R3HDM2: variants seen among roughly 807,000 people sequenced by gnomAD.
R3HDM2 encodes R3H domain containing 2, also known as R3H domain-containing protein 2.
Under a neutral mutation model 124.5 loss-of-function variants are expected in R3HDM2, and 38 were observed. That is an observed-to-expected ratio of 0.31 (90% CI 0.24 to 0.40). The LOEUF (loss-of-function observed/expected upper bound fraction) is 0.40. R3HDM2 is among the 10% of genes least tolerant of loss of function. The probability of loss-of-function intolerance (pLI) is 1.00; values close to 1 mark genes in which losing one functional copy is unlikely to be tolerated. For synonymous variants in R3HDM2, 391 were observed against 448.0 expected (o/e 0.87, Z 1.61); for missense variants, 869 against 1,236.9 (o/e 0.70, Z 4.46).
intron 2 of R3HDM2, among the ~76,000 whole-genome samples, chr12:57,388,497 A>AT (rs2066191889): frequency 6.6e-6 from 1 of 152,208 alleles, no homozygotes; most frequent in South Asian, 2.1e-4. Context: ...TGGGGATTCT[A>AT]TAAGATGGTG....
At chr12:57,277,190 G>A (rs1416029029) in intron 14 of R3HDM2, among the ~76,000 whole-genome samples, 1 of 151,554 alleles carries the variant, frequency 6.6e-6, no homozygotes, top group Non-Finnish European at 1.5e-5. Context: ...GATGACAAAA[G>A]GGGGCCCCGA....
At chr12:57,407,399 A>AT (rs1347963116) in intron 1 of R3HDM2, among the ~76,000 whole-genome samples, 7 of 151,470 alleles carry the variant, frequency 4.6e-5, no homozygotes, top group African/African-American at 7.3e-5. Flanking sequence ...ATATTAAGGA[A>AT]TTTTTTTTTC....
intron 2 of R3HDM2, among the ~76,000 whole-genome samples, chr12:57,353,785 T>C (rs919744803): frequency 1.3e-5 from 2 of 152,172 alleles, no homozygotes; most frequent in African/African-American, 4.8e-5. Flanking sequence ...CATGAACATA[T>C]GGATTCATTT....
chr12:57,411,173 A>G (rs1271442538), intron 1 of R3HDM2, among the ~76,000 whole-genome samples: 8 of 152,226 alleles, frequency 5.3e-5, no homozygotes, highest in African/African-American at 1.7e-4. Flanking sequence ...ACAATATTTT[A>G]TACTTCCTCA....
In R3HDM2 at chr12:57,266,781, G is replaced by C. The variant is rs2137303014; in HGVS notation, c.2081C>G (p.Pro694Arg). ...QPPGSEQYQM[P>R]QSPSPCSPPQ... ...TGGACTGCAGGGAGAGGGAGACTGA[G>C]GCATCTGGTACTGCTCAGAGCCAGG... Residue 694 changes from proline (P) to arginine (R), a missense_variant, in exon 19 of 24, where the codon CCT becomes CGT. Coordinates refer to ENST00000402412, the MANE Select transcript of R3HDM2 (RefSeq NM_001394031.1). The C allele has an allele frequency of 6.2e-7, 1 of 1,611,250 alleles. No homozygotes were observed. The highest frequency in any genetic ancestry group is 2.2e-5 in the East Asian group (1 of 44,854).
rs369719810 is a variant in R3HDM2, at chr12:57,425,346, CTAA to C, written c.-106+5371_-106+5373del. On this transcript the variant is annotated intron_variant, in intron 1 of 23. Coordinates refer to ENST00000402412, the MANE Select transcript of R3HDM2 (RefSeq NM_001394031.1). ...TAGAAGATGCAGTTATTTCTTTATA[CTAA>C]TAATATCAGAACTATGTCCAGACAA... Among the ~76,000 whole-genome samples, 661 of 152,196 alleles carry C rather than the reference CTAA, an allele frequency of 4.3e-3. 5 individuals carry two copies. The highest frequency in any genetic ancestry group is 0.015 in the African/African-American group (625 of 41,530).
intron 22 of R3HDM2, 27 bp downstream of exon 22, chr12:57,256,387 C>T (rs2039013556): frequency 2.0e-6 from 3 of 1,502,050 alleles, no homozygotes; most frequent in Non-Finnish European, 2.7e-6. Flanking sequence ...GTCTGATGGC[C>T]CTACAGTTGC....
At chr12:57,428,429 A>G (rs1484613564) in intron 1 of R3HDM2, among the ~76,000 whole-genome samples, 4 of 151,042 alleles carry the variant, frequency 2.6e-5, no homozygotes, top group Non-Finnish European at 5.9e-5. Flanking sequence ...CAGGAGATCG[A>G]GACCATCCTG....
chr12:57,430,359 T>C (rs1053749731), intron 1 of R3HDM2, among the ~76,000 whole-genome samples: 2 of 152,060 alleles, frequency 1.3e-5, no homozygotes, highest in African/African-American at 4.8e-5. Context: ...TCCGTCCTAT[T>C]TTTCCATGCT....
chr12:57,358,690 C>G (rs1421258555), intron 2 of R3HDM2, among the ~76,000 whole-genome samples: 1 of 151,520 alleles, frequency 6.6e-6, no homozygotes, highest in Non-Finnish European at 1.5e-5. Context: ...TATTTTATGG[C>G]CCAAGATATG....
chr12:57,280,298 T>C, intron 14 of R3HDM2, 60 bp downstream of exon 14: 9 of 1,518,006 alleles, frequency 5.9e-6, no homozygotes, highest in Non-Finnish European at 8.0e-6. Context: ...GACATGACGG[T>C]ACATCTAAAG....
At chr12:57,337,988 T>C (rs2059080072) in intron 2 of R3HDM2, among the ~76,000 whole-genome samples, 1 of 152,236 alleles carries the variant, frequency 6.6e-6, no homozygotes, top group Non-Finnish European at 1.5e-5. Flanking sequence ...AGAAAAGTAC[T>C]GCAGGTTTCT....
rs1205172594 is a variant in R3HDM2, at chr12:57,288,961, A to G, written c.938+48T>C. ...ATCATTACAGGATTATATTAACCTC[A>G]CTGGCAAAGCTCAATGAGAAGCAGG... On this transcript the variant is annotated intron_variant, in intron 12 of 23. Transcript: ENST00000402412. The G allele has an allele frequency of 1.9e-6, 3 of 1,547,680 alleles. No homozygotes were observed. The African/African-American group carries it at 4.1e-5, about 21-fold the overall frequency.
At chr12:57,419,377 T>C (rs987547760) in intron 1 of R3HDM2, among the ~76,000 whole-genome samples, 1 of 151,698 alleles carries the variant, frequency 6.6e-6, no homozygotes, top group African/African-American at 2.4e-5. Flanking sequence ...ACTCCTGATC[T>C]CATGATCTGC....
chr12:57,336,211 A>T (rs2058831314), intron 2 of R3HDM2, among the ~76,000 whole-genome samples: 2 of 152,218 alleles, frequency 1.3e-5, no homozygotes, highest in South Asian at 4.2e-4. Flanking sequence ...GGGAGTGTAA[A>T]TTGTTCAATC....
At chr12:57,369,403 C>T (rs1429431939) in intron 2 of R3HDM2, among the ~76,000 whole-genome samples, 1 of 152,172 alleles carries the variant, frequency 6.6e-6, no homozygotes, top group Non-Finnish European at 1.5e-5. Context: ...AAAACTACAT[C>T]ATCAGGCCAT....
chr12:57,358,004 A>C (rs1380582053), intron 2 of R3HDM2, among the ~76,000 whole-genome samples: 1 of 144,850 alleles, frequency 6.9e-6, no homozygotes, highest in Non-Finnish European at 1.5e-5. Context: ...TTTTAGACAG[A>C]GTTTCTCTCT....
chr12:57,391,599 C>A (rs2066689710), intron 2 of R3HDM2, among the ~76,000 whole-genome samples: 1 of 152,146 alleles, frequency 6.6e-6, no homozygotes, highest in African/African-American at 2.4e-5. Flanking sequence ...TAAAACTGGA[C>A]AAAGCTGAAT....
At chr12:57,306,432 TG>T (rs1320246497) in intron 3 of R3HDM2, among the ~76,000 whole-genome samples, 10 of 151,194 alleles carry the variant, frequency 6.6e-5, no homozygotes, top group East Asian at 3.9e-4. Flanking sequence ...TTTTTTGAGA[TG>T]GAGTCTCGCT....
Sources: allele counts gnomAD v4.1 joint callset (sites outside exome capture counted in the v4.1 genomes callset), GRCh38; gene constraint gnomAD v4.1.1; transcripts MANE v1.5; gene names NCBI Gene and HGNC (gene_info 2026-07-23, HGNC 2026-07-21).